The following AXDND1 variants were observed in gnomAD, a reference collection of about 807,000 sequenced individuals.
The protein encoded by AXDND1 is axonemal dynein light chain domain-containing protein 1.
In AXDND1, 110 loss-of-function variants were observed where a neutral mutation model predicts 137.5. The ratio of observed to expected loss-of-function variants is 0.80; its 90% confidence interval spans 0.69 to 0.94. The LOEUF (loss-of-function observed/expected upper bound fraction) is 0.94. AXDND1 is among the 40% of genes least tolerant of loss of function. The pLI is 0.00. For missense variants in AXDND1, 1,191 were observed against 1,169.8 expected (o/e 1.02, Z -0.26); for synonymous variants, 414 against 399.7 (o/e 1.04, Z -0.43).
At chr1:179,373,062 C>T (rs1668205664) in intron 4 of AXDND1, among the ~76,000 whole-genome samples, 1 of 152,102 alleles carries the variant, frequency 6.6e-6, no homozygotes, top group Non-Finnish European at 1.5e-5. Flanking sequence ...AACACAATCA[C>T]CTCTTAAAGG....
chr1:179,545,844 T>C (rs949883925), intron 25 of AXDND1: 1 of 152,130 alleles, frequency 6.6e-6, no homozygotes, highest in African/African-American at 2.4e-5. Flanking sequence ...AATGAGGTGA[T>C]TGGCATCATG....
intron 12 of AXDND1, among the ~76,000 whole-genome samples, chr1:179,419,990 G>T (rs1655429199): frequency 6.6e-6 from 1 of 152,116 alleles, no homozygotes; most frequent in Non-Finnish European, 1.5e-5. Flanking sequence ...GAATAAAAGT[G>T]GTGAAAATGG....
chr1:179,378,632 T>C lies in AXDND1; in HGVS notation c.375-5T>C. 2 of 1,567,884 alleles carry C rather than the reference T, an allele frequency of 1.3e-6. No homozygotes were observed. Among genetic ancestry groups the C allele is most frequent in the Non-Finnish European group, 1.7e-6 (2 of 1,155,098 alleles). On this transcript the variant is annotated splice_region_variant and splice_polypyrimidine_tract_variant and intron_variant, in intron 4 of 25. Coordinates refer to ENST00000367618, the MANE Select transcript of AXDND1 (RefSeq NM_144696.6). ...TTTTGTAAATATATTTTTCTTACTT[T>C]TTAGGGATATTTCTTTTCTGTACGA...
At position 179,534,845 on chromosome 1, in the gene AXDND1, A is replaced by G; in HGVS notation, c.2914A>G (p.Lys972Glu). ...AGAGGAATTAGTCATGACATCAAGA[A>G]AGGAGTCTAAAGAAGAGAAAGAAAA... ...DLEELVMTSRKESKEEKENQD... is the reference protein window; with the variant it reads ...DLEELVMTSREESKEEKENQD... The change falls in exon 25 of 26, where the codon AAG (lysine) becomes GAG (glutamate). Residue 972 changes from lysine (K) to glutamate (E), a missense_variant. Physicochemically the swap from Lys to Glu is moderately conservative, Grantham distance 56 (BLOSUM62 1). Coordinates refer to ENST00000367618, the MANE Select transcript of AXDND1 (RefSeq NM_144696.6). 6.2e-7 allele frequency: 1 copy of G among 1,611,464 alleles called. No homozygotes were observed. The highest frequency in any genetic ancestry group is 8.5e-7 in the Non-Finnish European group (1 of 1,179,460).
At chr1:179,449,027 A>C in intron 16 of AXDND1, 2 of 378,882 alleles carry the variant, frequency 5.3e-6, no homozygotes, top group Non-Finnish European at 1.0e-5. Flanking sequence ...CTAGGACTAC[A>C]GGTGTGTGCC....
chr1:179,369,540 T>C (rs1422438095), intron 3 of AXDND1, among the ~76,000 whole-genome samples: 1 of 152,018 alleles, frequency 6.6e-6, no homozygotes, highest in African/African-American at 2.4e-5. Flanking sequence ...TAGTCCCAGC[T>C]ACTCGGGAGG....
intron 15 of AXDND1, among the ~76,000 whole-genome samples, chr1:179,434,978 A>T (rs933825604): frequency 1.3e-5 from 2 of 152,204 alleles, no homozygotes; most frequent in African/African-American, 4.8e-5. Context: ...TAAGCTGATA[A>T]GCAACTTCAG....
chr1:179,425,467 C>T (rs1050516294), intron 12 of AXDND1, among the ~76,000 whole-genome samples: 3 of 152,082 alleles, frequency 2.0e-5, no homozygotes, highest in Admixed American at 6.6e-5. Context: ...GGATGGTAGT[C>T]CTTCTTCTAC....
chr1:179,479,717 C>T (rs1020666761), intron 17 of AXDND1, among the ~76,000 whole-genome samples: 2 of 152,116 alleles, frequency 1.3e-5, no homozygotes, highest in African/African-American at 4.8e-5. Flanking sequence ...GCAGTGCTTG[C>T]GGTGAGCCGA....
At chr1:179,483,506 A>G (rs1414711299) in intron 18 of AXDND1, among the ~76,000 whole-genome samples, 1 of 152,226 alleles carries the variant, frequency 6.6e-6, no homozygotes, top group East Asian at 1.9e-4. Flanking sequence ...CTGACAACCA[A>G]AATGAATAAG....
intron 15 of AXDND1, among the ~76,000 whole-genome samples, chr1:179,440,060 A>G (rs1030586277): frequency 6.6e-6 from 1 of 152,220 alleles, no homozygotes; most frequent in South Asian, 2.1e-4. Flanking sequence ...ACCAGGAGTC[A>G]AAAAATTTAA....
intron 25 of AXDND1, chr1:179,552,840 G>A (rs1471755517): frequency 2.9e-6 from 2 of 684,326 alleles, no homozygotes; most frequent in Non-Finnish European, 5.3e-6. Flanking sequence ...GTCAAAAGTA[G>A]GCAGATCTCC....
Position 179,456,208 on chromosome 1 carries a change from A to T in AXDND1, c.1798+11004A>T. 5.1e-6 allele frequency: 4 copies of T among 787,252 alleles called. No homozygotes were observed. In the South Asian group the frequency reaches 5.3e-5, roughly 10 times the overall value. The allele number at this position is 787,252 out of a possible 1,614,324, so 48.8% of individuals were successfully genotyped here. Reference sequence around the variant, plus strand: ...ACTTCTCTGGATCTCCTCTCCTGCTAAGCTTTGTTTCCTAATTAAAATCTG... The same window carrying T: ...ACTTCTCTGGATCTCCTCTCCTGCTTAGCTTTGTTTCCTAATTAAAATCTG... On this transcript the variant is annotated intron_variant, in intron 16 of 25. Coordinates refer to ENST00000367618, the MANE Select transcript of AXDND1 (RefSeq NM_144696.6).
At chr1:179,525,477 C>CTACG in intron 22 of AXDND1, 30 bp downstream of exon 22, 1 of 1,473,534 alleles carries the variant, frequency 6.8e-7, no homozygotes, top group Non-Finnish European at 9.1e-7. Flanking sequence ...GTTTTTCCTC[C>CTACG]TACATACATA....
chr1:179,453,823 A>G (rs1353728039), intron 16 of AXDND1: 2 of 129,824 alleles, frequency 1.5e-5, no homozygotes, highest in African/African-American at 2.8e-5. Context: ...AAAAAAAAAA[A>G]TGGACTCTCC....
At chr1:179,415,781 T>C (rs1438561137) in intron 12 of AXDND1, among the ~76,000 whole-genome samples, 1 of 152,116 alleles carries the variant, frequency 6.6e-6, no homozygotes, top group South Asian at 2.1e-4. Flanking sequence ...CTCTGCTCGC[T>C]GCAACCTCCA....
intron 17 of AXDND1, among the ~76,000 whole-genome samples, chr1:179,476,080 C>G (rs1664590596): frequency 6.6e-6 from 1 of 152,136 alleles, no homozygotes; most frequent in Non-Finnish European, 1.5e-5. Flanking sequence ...TTATAAGCTG[C>G]TTGAGGCTTC....
chr1:179,444,962 C>A lies in AXDND1; in HGVS notation c.1564-8C>A, dbSNP rs748966449. The A allele has an allele frequency of 6.4e-7, 1 of 1,573,038 alleles. No individual in the cohort carries two copies. Among genetic ancestry groups the A allele is most frequent in the Non-Finnish European group, 8.7e-7 (1 of 1,144,638 alleles). On this transcript the variant is annotated splice_polypyrimidine_tract_variant and splice_region_variant and intron_variant, in intron 15 of 25. Transcript: ENST00000367618. Reference sequence around the variant, plus strand: ...TATGCTACTCTCCCTCTTCCTTTCACTCTTTAGATCCTGAATGAGAAAAAA... The same window carrying A: ...TATGCTACTCTCCCTCTTCCTTTCAATCTTTAGATCCTGAATGAGAAAAAA...
chr1:179,425,529 TGGTCTCCTGCCAAGGAATCAACATGATGG>T lies in AXDND1; in HGVS notation c.1231-3931_1231-3903del, dbSNP rs1206093688. 1.3e-3 allele frequency among the ~76,000 whole-genome samples: 191 copies of T among 152,150 alleles called. 1 individual carries two copies. Among genetic ancestry groups the T allele is most frequent in the African/African-American group, 3.9e-3 (160 of 41,506 alleles). On this transcript the variant is annotated intron_variant, in intron 12 of 25. Transcript: ENST00000367618. ...TATTTATCTCTTCAGGCACTTGTGATGGTCTCCTGCCAAGGAATCAACATGATGGGGTCTCCTGCCAAGGAATCAACATG... is the reference window on the plus strand; with the variant it reads ...TATTTATCTCTTCAGGCACTTGTGATGGTCTCCTGCCAAGGAATCAACATG...
Sources: allele counts gnomAD v4.1 joint callset (sites outside exome capture counted in the v4.1 genomes callset), GRCh38; gene constraint gnomAD v4.1.1; transcripts MANE v1.5; gene names NCBI Gene and HGNC (gene_info 2026-07-23, HGNC 2026-07-21).